The following CLOCK variants were observed in gnomAD, a reference collection of about 807,000 sequenced individuals.
CLOCK encodes circadian locomoter output cycles protein kaput.
In CLOCK, 43 loss-of-function variants were observed where a neutral mutation model predicts 118.4. The ratio of observed to expected loss-of-function variants is 0.36; its 90% confidence interval spans 0.28 to 0.47. CLOCK has a LOEUF of 0.47. Among genes scored for constraint, CLOCK ranks in the 20% least tolerant of loss-of-function variants. The pLI is 1.00. For missense variants in CLOCK, 846 were observed against 999.9 expected (o/e 0.85, Z 2.08); for synonymous variants, 326 against 339.2 (o/e 0.96, Z 0.43).
chr4:55,494,234 C>A (rs947456020), intron 2 of CLOCK, among the ~76,000 whole-genome samples: 4 of 152,164 alleles, frequency 2.6e-5, no homozygotes, highest in South Asian at 2.1e-4. Flanking sequence ...CGACTCTACA[C>A]CTGGCCTTCA....
intron 4 of CLOCK, among the ~76,000 whole-genome samples, chr4:55,481,577 T>G (rs555318433): frequency 6.6e-6 from 1 of 152,344 alleles, no homozygotes; most frequent in South Asian, 2.1e-4. Flanking sequence ...GGAAGTTTCT[T>G]GCTCCTCACA....
At chr4:55,463,467 A>G (rs1298367450) in intron 9 of CLOCK, among the ~76,000 whole-genome samples, 2 of 152,138 alleles carry the variant, frequency 1.3e-5, no homozygotes, top group East Asian at 3.8e-4. Context: ...GATTTATTAT[A>G]ACAAATAAGA....
intron 1 of CLOCK, among the ~76,000 whole-genome samples, chr4:55,524,411 A>G (rs1730039576): frequency 1.4e-5 from 2 of 145,142 alleles, no homozygotes; most frequent in Non-Finnish European, 3.1e-5. Context: ...AAAAACAAAA[A>G]CAAAAACAAA....
chr4:55,488,504 C>T (rs982801125), intron 3 of CLOCK, among the ~76,000 whole-genome samples: 5 of 152,202 alleles, frequency 3.3e-5, no homozygotes, highest in Non-Finnish European at 5.9e-5. Flanking sequence ...TTCCCCCAAC[C>T]TGATCTCCAT....
At chr4:55,508,271 C>T (rs1728934379) in intron 2 of CLOCK, among the ~76,000 whole-genome samples, 1 of 152,164 alleles carries the variant, frequency 6.6e-6, no homozygotes, top group African/African-American at 2.4e-5. Flanking sequence ...AACATTAAAA[C>T]TTGGTTAAAA....
intron 1 of CLOCK, among the ~76,000 whole-genome samples, chr4:55,532,927 T>C (rs1478152264): frequency 1.3e-5 from 2 of 152,020 alleles, no homozygotes; most frequent in East Asian, 3.9e-4. Flanking sequence ...ATAAAAGACT[T>C]GTACTCTGAA....
chr4:55,481,178 T>C (rs1726908700), intron 4 of CLOCK, among the ~76,000 whole-genome samples: 1 of 152,210 alleles, frequency 6.6e-6, no homozygotes, highest in Admixed American at 6.5e-5. Context: ...AAGGCCTATA[T>C]GCTATAAAAT....
At chr4:55,539,683 A>G (rs917490018) in intron 1 of CLOCK, among the ~76,000 whole-genome samples, 2 of 151,648 alleles carry the variant, frequency 1.3e-5, no homozygotes, top group Non-Finnish European at 2.9e-5. Flanking sequence ...TGCATGATAT[A>G]GGGAAGTGAC....
chr4:55,459,145 C>T lies in CLOCK; in HGVS notation c.673+3G>A. 1 of 1,542,622 alleles carries T rather than the reference C, an allele frequency of 6.5e-7. No individual in the cohort carries two copies. The highest frequency in any genetic ancestry group is 9.0e-7 in the Non-Finnish European group (1 of 1,114,912). Reference sequence around the variant, plus strand: ...ACATTGTGAGAGAAGCATTTTAACTCACCACTGTTTAAAGATTTGAAATTT... The same window carrying T: ...ACATTGTGAGAGAAGCATTTTAACTTACCACTGTTTAAAGATTTGAAATTT... On this transcript the variant is annotated splice_donor_region_variant and intron_variant, in intron 10 of 22. Transcript: ENST00000513440.
intron 3 of CLOCK, among the ~76,000 whole-genome samples, chr4:55,486,216 TTTG>T (rs1170808810): frequency 6.6e-6 from 1 of 152,226 alleles, no homozygotes; most frequent in Non-Finnish European, 1.5e-5. Context: ...GAGTTACCAT[TTTG>T]TTGTTTACCT....
chr4:55,464,277 A>G (rs1358820710), intron 8 of CLOCK, among the ~76,000 whole-genome samples: 1 of 151,954 alleles, frequency 6.6e-6, no homozygotes, highest in Non-Finnish European at 1.5e-5. Context: ...CCTGCATCCC[A>G]TTGTACAAAA....
At chr4:55,470,237 G>T (rs1477475694) in intron 8 of CLOCK, among the ~76,000 whole-genome samples, 4 of 152,006 alleles carry the variant, frequency 2.6e-5, no homozygotes, top group Non-Finnish European at 5.9e-5. Context: ...CCCTATACAG[G>T]TATACCATTT....
intron 4 of CLOCK, among the ~76,000 whole-genome samples, chr4:55,482,529 A>G (rs1018950213): frequency 6.6e-6 from 1 of 152,200 alleles, no homozygotes; most frequent in African/African-American, 2.4e-5. Flanking sequence ...TTTAAAACAC[A>G]CAAGCCATAT....
At position 55,443,703 on chromosome 4, in the gene CLOCK, T is replaced by C. The variant is rs773994901; in HGVS notation, c.1886A>G (p.Gln629Arg). ...TQHMIQQQTL[Q>R]STSTQSQQNV... ...TAACATTACCTGAGTTGATGTACTCTGTAAAGTCTGTTGTTGTATCATGTG... is the reference window on the plus strand; with the variant it reads ...TAACATTACCTGAGTTGATGTACTCCGTAAAGTCTGTTGTTGTATCATGTG... The change falls in exon 20 of 23, where the codon CAG becomes CGG. Residue 629 changes from glutamine to arginine, a missense_variant. This residue lies in a region of CLOCK where 520 missense variants were observed against 558.0 expected (regional missense o/e 0.93). Transcript: ENST00000513440. 5 of 1,614,052 alleles carry C rather than the reference T, an allele frequency of 3.1e-6. No homozygotes were observed. The South Asian group carries it at 5.5e-5, about 18-fold the overall frequency.
Position 55,431,881 on chromosome 4 carries a change from G to A in CLOCK, c.*3534C>T, listed in dbSNP as rs960867338. Reference sequence around the variant, plus strand: ...TAAGGATCCCTTTCTAAGGCTTCCTGAACAAGGGTTCTTCTCCCTTCAACA... The same window carrying A: ...TAAGGATCCCTTTCTAAGGCTTCCTAAACAAGGGTTCTTCTCCCTTCAACA... On this transcript the variant is annotated 3_prime_UTR_variant, in exon 23 of 23. Coordinates refer to ENST00000513440, the MANE Select transcript of CLOCK (RefSeq NM_004898.4). 5 of 152,198 alleles carry A rather than the reference G, an allele frequency of 3.3e-5. No individual in the cohort carries two copies. Among genetic ancestry groups the A allele is most frequent in the African/African-American group, 1.2e-4 (5 of 41,458 alleles). 9.4% of individuals were successfully genotyped at this position (152,198 alleles called of 1,614,324 possible). A position where few individuals can be genotyped will look rare whatever the true frequency, so the allele number is the denominator to read the frequency against.
At chr4:55,531,198 G>C (rs1271422958) in intron 1 of CLOCK, among the ~76,000 whole-genome samples, 1 of 151,886 alleles carries the variant, frequency 6.6e-6, no homozygotes, top group Admixed American at 6.6e-5. Context: ...TTTATTTCTT[G>C]AGTTCCACTA....
At chr4:55,480,359 G>T (rs1726833065) in intron 4 of CLOCK, among the ~76,000 whole-genome samples, 1 of 152,108 alleles carries the variant, frequency 6.6e-6, no homozygotes, top group African/African-American at 2.4e-5. Context: ...CAACCTCCTG[G>T]GTTCAAGAAG....
intron 9 of CLOCK, among the ~76,000 whole-genome samples, chr4:55,463,186 A>G (rs1008147408): frequency 1.3e-5 from 2 of 152,050 alleles, no homozygotes; most frequent in Non-Finnish European, 2.9e-5. Flanking sequence ...TTTATGATAC[A>G]GCACAAGTAC....
chr4:55,458,607 T>G, intron 11 of CLOCK, among the ~76,000 whole-genome samples: 1 of 152,170 alleles, frequency 6.6e-6, no homozygotes, highest in East Asian at 1.9e-4. Flanking sequence ...TTTTTGGACT[T>G]TCCCTTTTAA....
Sources: allele counts gnomAD v4.1 joint callset (sites outside exome capture counted in the v4.1 genomes callset), GRCh38; gene constraint gnomAD v4.1.1; regional missense constraint gnomAD v4.1.1; transcripts MANE v1.5; gene names NCBI Gene and HGNC (gene_info 2026-07-23, HGNC 2026-07-21).